VPS13B: variants seen among roughly 807,000 people sequenced by gnomAD.
VPS13B encodes the protein intermembrane lipid transfer protein VPS13B.
VPS13B carries 285 observed loss-of-function variants against 426.4 expected under a neutral mutation model. That is an observed-to-expected ratio of 0.67 (90% CI 0.61 to 0.74). VPS13B has a LOEUF of 0.74. VPS13B is among the 30% of genes least tolerant of loss of function. VPS13B has a pLI of 0.00. For missense variants in VPS13B, 4,537 were observed against 4,782.6 expected (o/e 0.95, Z 1.51); for synonymous variants, 1,676 against 1,676.4 (o/e 1.00, Z 0.01).
rs752690537 is a variant in VPS13B at position 99,096,301 on chromosome 8, A to C, written c.292-11A>C. ...GATGGTTTTCTTTTTCTTTCTTTAAAATAAAAATAGGATGACCATGAAAGC... is the reference window on the plus strand; with the variant it reads ...GATGGTTTTCTTTTTCTTTCTTTAACATAAAAATAGGATGACCATGAAAGC... On this transcript the variant is annotated splice_polypyrimidine_tract_variant and intron_variant, in intron 3 of 61. Transcript: ENST00000357162. The C allele has an allele frequency of 6.2e-7, 1 of 1,613,586 alleles. No homozygotes were observed. The highest frequency in any genetic ancestry group is 1.1e-5 in the South Asian group (1 of 90,962).
At chr8:99,370,241 A>G (rs578248468) in intron 19 of VPS13B, among the ~76,000 whole-genome samples, 5 of 152,338 alleles carry the variant, frequency 3.3e-5, no homozygotes, top group Middle Eastern at 3.4e-3. Context: ...AAATAATTAC[A>G]TTATTATAAA....
At chr8:99,061,296 CTT>C (rs36037937) in intron 3 of VPS13B, among the ~76,000 whole-genome samples, 3 of 112,942 alleles carry the variant, frequency 2.7e-5, no homozygotes, top group Non-Finnish European at 5.3e-5. Context: ...TGCTAATTTT[CTT>C]TTTTTTTTTT....
intron 19 of VPS13B, among the ~76,000 whole-genome samples, chr8:99,288,548 A>G (rs1444574665): frequency 6.6e-6 from 1 of 152,008 alleles, no homozygotes; most frequent in African/African-American, 2.4e-5. Context: ...CTATAGCTCA[A>G]TTTTTGAAGA....
intron 16 of VPS13B, among the ~76,000 whole-genome samples, chr8:99,192,515 T>C (rs1323713672): frequency 6.6e-6 from 1 of 152,206 alleles, no homozygotes; most frequent in Non-Finnish European, 1.5e-5. Flanking sequence ...TGTTAACAGA[T>C]AAAAGAAATC....
At chr8:99,115,594 A>G (rs1483672746) in intron 6 of VPS13B, 106 bp from the exon 7 acceptor site, 1 of 1,096,820 alleles carries the variant, frequency 9.1e-7, no homozygotes, top group East Asian at 2.5e-5. Context: ...TGTTTGGAGC[A>G]TTTCTTTTAT....
intron 35 of VPS13B, among the ~76,000 whole-genome samples, 200 bp downstream of exon 35, chr8:99,661,691 T>C (rs922165193): frequency 6.6e-6 from 1 of 152,122 alleles, no homozygotes; most frequent in African/African-American, 2.4e-5. Context: ...ACCTTCAGTC[T>C]GACAAAAAGG....
At chr8:99,300,755 T>C (rs1345246693) in intron 19 of VPS13B, among the ~76,000 whole-genome samples, 1 of 152,178 alleles carries the variant, frequency 6.6e-6, no homozygotes, top group Non-Finnish European at 1.5e-5. Flanking sequence ...AGCTATATCA[T>C]TTATTAGGTG....
At chr8:99,854,295 C>A (rs1563510447) in intron 56 of VPS13B, 39 bp downstream of exon 56, 1 of 1,599,394 alleles carries the variant, frequency 6.3e-7, no homozygotes, top group East Asian at 2.3e-5. Flanking sequence ...GAGCTAGAGC[C>A]CGGGTAGAAA....
intron 39 of VPS13B, among the ~76,000 whole-genome samples, chr8:99,764,998 C>T (rs1811140550): frequency 8.5e-5 from 13 of 152,120 alleles, no homozygotes; most frequent in Admixed American, 8.5e-4. Flanking sequence ...GTAATCCCAG[C>T]AGTTTGGGAG....
At chr8:99,791,868 G>A (rs1429630340) in intron 43 of VPS13B, among the ~76,000 whole-genome samples, 1 of 152,000 alleles carries the variant, frequency 6.6e-6, no homozygotes, top group East Asian at 1.9e-4. Context: ...CTGCAGTCAC[G>A]GCAGCACAGG....
intron 19 of VPS13B, among the ~76,000 whole-genome samples, chr8:99,336,297 C>A (rs1401326296): frequency 1.6e-4 from 25 of 152,070 alleles, no homozygotes; most frequent in African/African-American, 3.9e-4. Context: ...GTGCTGGGAA[C>A]ACTGGCTAGC....
intron 34 of VPS13B, 105 bp downstream of exon 34, chr8:99,642,603 CTT>C (rs879577330): frequency 1.5e-4 from 145 of 990,496 alleles, no homozygotes; most frequent in Admixed American, 2.9e-4. Flanking sequence ...AGACAAAAGT[CTT>C]TTCTCTACAG....
intron 50 of VPS13B, 33 bp from the exon 51 acceptor site, chr8:99,823,799 T>A (rs1390638257): frequency 8.1e-6 from 13 of 1,606,506 alleles, no homozygotes; most frequent in Non-Finnish European, 1.1e-5. Context: ...CTTACAGTAT[T>A]GTCAAAATTA....
intron 17 of VPS13B, among the ~76,000 whole-genome samples, chr8:99,266,682 T>G (rs1330585507): frequency 1.3e-5 from 2 of 152,096 alleles, no homozygotes; most frequent in Non-Finnish European, 2.9e-5. Context: ...AATTGAATCA[T>G]GGAGGTGGTT....
chr8:99,135,654 C>G lies in VPS13B; in HGVS notation c.1484C>G (p.Thr495Arg). The G allele has an allele frequency of 6.2e-7, 1 of 1,613,442 alleles. No individual in the cohort carries two copies. The highest frequency in any genetic ancestry group is 8.5e-7 in the Non-Finnish European group (1 of 1,179,548). The change falls in exon 11 of 62, where the codon ACA (threonine) becomes AGA (arginine). Residue 495 changes from threonine (T) to arginine (R), a missense_variant. Coordinates refer to ENST00000357162, the MANE Select transcript of VPS13B (RefSeq NM_152564.5). ...NLSTKGFTYL[T>R]NSLFDYRSPE... ...AGTACGAAAGGTTTCACATACCTTA[C>G]AAATTCATTGTTTGATTACCGAAGC...
chr8:99,506,323 T>A (rs887640399), intron 27 of VPS13B, among the ~76,000 whole-genome samples: 1 of 152,214 alleles, frequency 6.6e-6, no homozygotes, highest in Admixed American at 6.5e-5. Flanking sequence ...CTTTAGTTCC[T>A]TTGAAATGGT....
chr8:99,458,922 A>C (rs1019728091), intron 23 of VPS13B, among the ~76,000 whole-genome samples: 11 of 152,084 alleles, frequency 7.2e-5, no homozygotes, highest in African/African-American at 2.7e-4. Context: ...TCTTTAGTTT[A>C]ATTAGATCCC....
At chr8:99,047,607 G>A (rs972203718) in intron 3 of VPS13B, among the ~76,000 whole-genome samples, 4 of 152,080 alleles carry the variant, frequency 2.6e-5, no homozygotes, top group African/African-American at 9.7e-5. Flanking sequence ...GCTCCTTGAG[G>A]TGTGACTTTA....
At chr8:99,336,976 C>T (rs1321654341) in intron 19 of VPS13B, among the ~76,000 whole-genome samples, 1 of 152,068 alleles carries the variant, frequency 6.6e-6, no homozygotes, top group South Asian at 2.1e-4. Context: ...GGATCTAGAA[C>T]TAGAAATACC....
Sources: gnomAD v4.1 joint callset for allele counts (sites outside exome capture counted in the v4.1 genomes callset) on GRCh38, gnomAD v4.1.1 for gene constraint, MANE v1.5 for transcripts, NCBI Gene and HGNC (gene_info 2026-07-23, HGNC 2026-07-21) for gene names.